The following SF3B1 variants were observed in gnomAD, a reference collection of about 807,000 sequenced individuals.
SF3B1 encodes splicing factor 3b subunit 1, also known as pre-mRNA processing 10.
Under a neutral mutation model 153.8 loss-of-function variants are expected in SF3B1, and 12 were observed. The ratio of observed to expected loss-of-function variants is 0.08; its 90% CI spans 0.05 to 0.13. The LOEUF (loss-of-function observed/expected upper bound fraction) is 0.13, where lower values mean the gene tolerates loss of function less well. SF3B1 is among the 10% of genes least tolerant of loss of function. SF3B1 has a pLI of 1.00. For synonymous variants in SF3B1, 498 were observed against 525.2 expected, an observed-to-expected ratio of 0.95 and a Z score of 0.71; for missense variants, 513 against 1,606.1, an observed-to-expected ratio of 0.32 and a Z score of 11.63.
chr2:197,427,631 A>G (rs969333185), intron 1 of SF3B1, among the ~76,000 whole-genome samples: 22 of 152,246 alleles, frequency 1.4e-4, no homozygotes, highest in African/African-American at 5.1e-4. Flanking sequence ...GGTGGGAAAA[A>G]ATACGGCAGA....
At chr2:197,416,952 A>G (rs2085156722) in intron 5 of SF3B1, 41 bp from the exon 6 acceptor site, 3 of 1,580,524 alleles carry the variant, frequency 1.9e-6, no homozygotes, top group Non-Finnish European at 2.6e-6. Flanking sequence ...AATGCTTTCA[A>G]TGTATTTTTC....
chr2:197,405,589 A>C, intron 9 of SF3B1, 117 bp from the exon 10 acceptor site: 1 of 687,394 alleles, frequency 1.5e-6, no homozygotes, highest in Non-Finnish European at 2.5e-6. Context: ...ATTTGCTTGG[A>C]GACAACATCT....
chr2:197,401,101 A>G lies in SF3B1; in HGVS notation c.2497-165T>C, dbSNP rs1163323012. On this transcript the variant is annotated intron_variant, in intron 17 of 24. Transcript: ENST00000335508. The surrounding 1 kb of genome is among the most constrained non-coding windows in gnomAD (Gnocchi z 4.2). ...AAGTTGAAGAGAAAAGTGACCAAACATCGAAAAATGAGTATAAGTTAACAT... is the reference window on the plus strand; with the variant it reads ...AAGTTGAAGAGAAAAGTGACCAAACGTCGAAAAATGAGTATAAGTTAACAT... 6.6e-6 allele frequency among the ~76,000 whole-genome samples: 1 copy of G among 152,226 alleles called. No homozygotes were observed. Among genetic ancestry groups the G allele is most frequent in the Non-Finnish European group, 1.5e-5 (1 of 68,020 alleles).
chr2:197,417,047 ACGCTC>A, intron 5 of SF3B1, 136 bp from the exon 6 acceptor site: 1 of 840,170 alleles, frequency 1.2e-6, no homozygotes, highest in Admixed American at 2.8e-5. Context: ...TCTCCTTTCT[ACGCTC>A]GCTGGTTCCA....
In SF3B1 at chr2:197,397,953, AT is replaced by A. The variant is rs561785014; in HGVS notation, c.3266+31del. The A allele has an allele frequency of 1.2e-3, 1,825 of 1,463,866 alleles. 2 individuals are homozygous for A. Among genetic ancestry groups the A allele is most frequent in the African/African-American group, 8.6e-3 (605 of 70,526 alleles). The allele number at this position is 1,463,866 out of a possible 1,614,324, so 90.7% of individuals were successfully genotyped here. A position where few individuals can be genotyped will look rare whatever the true frequency, so the allele number is the denominator to read the frequency against. Reference sequence around the variant, plus strand: ...ACCACAATGCATTTATTATAAAGTAATTTTTTTTTAATGGAAGTAAATAACA... The same window carrying A: ...ACCACAATGCATTTATTATAAAGTAATTTTTTTTAATGGAAGTAAATAACA... On this transcript the variant is annotated intron_variant, in intron 22 of 24. Transcript: ENST00000335508.
chr2:197,414,144 G>A (rs2085112832), intron 6 of SF3B1, among the ~76,000 whole-genome samples: 1 of 152,152 alleles, frequency 6.6e-6, no homozygotes, highest in African/African-American at 2.4e-5. Flanking sequence ...ACACAGGAAA[G>A]ACCAGGGGAG....
chr2:197,409,866 G>A lies in SF3B1; in HGVS notation c.808C>T (p.Arg270Ter), dbSNP rs2085043028. 1 of 1,614,108 alleles carries A rather than the reference G, an allele frequency of 6.2e-7. No individual in the cohort carries two copies. Reference sequence around the variant, plus strand: ...GTCGCATGGCCTGGTGTATCACCTCGTCCAGGAGTAGCAGCTCCCGCTGGT... The same window carrying A: ...GTCGCATGGCCTGGTGTATCACCTCATCCAGGAGTAGCAGCTCCCGCTGGT... ...HTPAGAATPG[R>*]GDTPGHATPG... The change falls in exon 7 of 25, where the codon CGA becomes TGA. Residue 270 changes from arginine (R) to a stop codon, truncating the protein, a stop_gained. Transcript: ENST00000335508. LOFTEE classifies it high-confidence loss of function.
At chr2:197,398,327 A>C in intron 21 of SF3B1, 134 bp downstream of exon 21, 1 of 1,060,582 alleles carries the variant, frequency 9.4e-7, no homozygotes, top group Non-Finnish European at 1.4e-6. Flanking sequence ...AATTTGACTG[A>C]AAATATTAAT....
At chr2:197,412,585 G>A (rs990824240) in intron 6 of SF3B1, among the ~76,000 whole-genome samples, 13 of 151,820 alleles carry the variant, frequency 8.6e-5, no homozygotes, top group Admixed American at 7.2e-4. Context: ...TCAACCTCTC[G>A]ACCTCAGGTG....
intron 21 of SF3B1, 77 bp downstream of exon 21, chr2:197,398,384 A>G: frequency 6.8e-7 from 1 of 1,471,968 alleles, no homozygotes. Context: ...CATTAAGGAA[A>G]TTTTGCTAAT....
Position 197,409,844 on chromosome 2 carries a change from G to A in SF3B1, c.830C>T (p.Ala277Val), listed in dbSNP as rs746956131. The change falls in exon 7 of 25, where the codon GCG (alanine) becomes GTG (valine). Residue 277 changes from alanine to valine, a missense_variant. Physicochemically the swap from Ala to Val is moderately conservative, Grantham distance 64. Around this residue, in one of 21 missense-constraint regions of SF3B1, gnomAD observed 91 missense variants for 157.4 expected, o/e 0.58. Coordinates refer to ENST00000335508, the MANE Select transcript of SF3B1 (RefSeq NM_012433.4). ...TPGRGDTPGH[A>V]TPGHGGATSS... Reference sequence around the variant, plus strand: ...AGTTGCGCCTCCATGGCCTGGTGTCGCATGGCCTGGTGTATCACCTCGTCC... The same window carrying A: ...AGTTGCGCCTCCATGGCCTGGTGTCACATGGCCTGGTGTATCACCTCGTCC... 5 of 1,614,006 alleles carry A rather than the reference G, an allele frequency of 3.1e-6. No homozygotes were observed. The highest frequency in any genetic ancestry group is 2.7e-5 in the African/African-American group (2 of 75,012).
At chr2:197,411,331 G>C (rs899064326) in intron 6 of SF3B1, among the ~76,000 whole-genome samples, 1 of 152,148 alleles carries the variant, frequency 6.6e-6, no homozygotes, top group African/African-American at 2.4e-5. Context: ...ATACTGCCTC[G>C]TAAGTATTCC....
intron 1 of SF3B1, 61 bp from the exon 2 acceptor site, chr2:197,424,035 G>A (rs1287405855): frequency 7.2e-7 from 1 of 1,382,658 alleles, no homozygotes; most frequent in Non-Finnish European, 1.0e-6. Flanking sequence ...CCAACACAAT[G>A]CATTTCTTTA....
At position 197,429,353 on chromosome 2, in the gene SF3B1, T is replaced by C. The variant is rs192777471; in HGVS notation, c.29-5379A>G. On this transcript the variant is annotated intron_variant, in intron 1 of 24. Transcript: ENST00000335508. ...CACATCAATAGTTTCTGCCTTTTTA[T>C]TACTGGGTAGTATTCCATTGTACTA... Among the ~76,000 whole-genome samples, 5 of 152,342 alleles carry C rather than the reference T, an allele frequency of 3.3e-5. No homozygotes were observed. In the East Asian group the frequency reaches 9.6e-4, roughly 29 times the overall value.
intron 6 of SF3B1, among the ~76,000 whole-genome samples, chr2:197,413,121 C>T (rs2085096946): frequency 6.6e-6 from 1 of 152,106 alleles, no homozygotes; most frequent in Non-Finnish European, 1.5e-5. Flanking sequence ...AGTTACTTGG[C>T]TGGACATGGT....
chr2:197,403,597 T>A lies in SF3B1; in HGVS notation c.1707A>T (p.Pro569=). The A allele has an allele frequency of 6.4e-7, 1 of 1,561,808 alleles. No homozygotes were observed. Among genetic ancestry groups the A allele is most frequent in the Non-Finnish European group, 8.6e-7 (1 of 1,163,236 alleles). ...ILYKLDDLVR[P]YVHKILVVIE... ...AAGGAGAACAAACCTTATGCACATA[T>A]GGACGAACTAAGTCATCAAGTTTGT... Residue 569 remains proline (P), a synonymous_variant, in exon 12 of 25, where the codon CCA becomes CCT. Coordinates refer to ENST00000335508, the MANE Select transcript of SF3B1 (RefSeq NM_012433.4).
intron 20 of SF3B1, chr2:197,398,851 T>C: frequency 2.1e-6 from 1 of 484,142 alleles, no homozygotes; most frequent in Non-Finnish European, 3.9e-6. Context: ...GATTCTGAAA[T>C]ATATTTGTGC....
Position 197,401,928 on chromosome 2 carries a change from G to A in SF3B1, c.2224-40C>T, listed in dbSNP as rs372084671. The A allele has an allele frequency of 1.3e-6, 2 of 1,591,778 alleles. No homozygotes were observed. Among genetic ancestry groups the A allele is most frequent in the South Asian group, 2.3e-5 (2 of 86,422 alleles). ...AAAATATATGTACTTTAGTAATTTA[G>A]ATTTATGTCGCCTTAACTTTAATGA... On this transcript the variant is annotated intron_variant, in intron 15 of 24. Coordinates refer to ENST00000335508, the MANE Select transcript of SF3B1 (RefSeq NM_012433.4). This position sits in a 1 kb window ranked among gnomAD's most constrained non-coding sequence, Gnocchi z 4.2.
At position 197,432,245 on chromosome 2, in the gene SF3B1, C is replaced by CA. The variant is rs75832833; in HGVS notation, c.28+2726dup. ...AAACTTTTTCAGCTTTGTGATGTCC[C>CA]AAAAAATCTAATTCAAAGGATTAGT... On this transcript the variant is annotated intron_variant, in intron 1 of 24. Coordinates refer to ENST00000335508, the MANE Select transcript of SF3B1 (RefSeq NM_012433.4). Among the ~76,000 whole-genome samples the CA allele has an allele frequency of 9.2e-5, 14 of 152,226 alleles. No individual in the cohort carries two copies. The East Asian group carries it at 2.7e-3, about 29-fold the overall frequency.
Sources: allele counts gnomAD v4.1 joint callset (sites outside exome capture counted in the v4.1 genomes callset), GRCh38; gene constraint gnomAD v4.1.1; regional missense constraint gnomAD v4.1.1; non-coding constraint Gnocchi (gnomAD v3.1); transcripts MANE v1.5; gene names NCBI Gene and HGNC (gene_info 2026-07-23, HGNC 2026-07-21).